LRRIQ1: variants seen among roughly 807,000 people sequenced by gnomAD.
The protein encoded by LRRIQ1 is leucine rich repeats and IQ motif containing 1, also known as leucine-rich repeat- and IQ domain-containing protein 1.
Under a neutral mutation model 211.9 loss-of-function variants are expected in LRRIQ1, and 210 were observed. The observed-to-expected ratio is 0.99, with a 90% CI of 0.89 to 1.11. The LOEUF (loss-of-function observed/expected upper bound fraction) is 1.11, where lower values mean the gene tolerates loss of function less well. LRRIQ1 is among the 50% of genes most tolerant of loss of function. The pLI, the probability that LRRIQ1 is intolerant of heterozygous loss-of-function variation, is 0.00. For synonymous variants in LRRIQ1, 699 were observed against 650.1 expected (o/e 1.08, Z -1.14); for missense variants, 2,136 against 1,939.5 (o/e 1.10, Z -1.90).
At chr12:85,119,730 T>A (rs1887836971) in intron 15 of LRRIQ1, among the ~76,000 whole-genome samples, 1 of 152,138 alleles carries the variant, frequency 6.6e-6, no homozygotes, top group Admixed American at 6.5e-5. Context: ...GGTATCACAT[T>A]GTCTCGTTGT....
chr12:85,230,848 A>G (rs1371084568), intron 25 of LRRIQ1, among the ~76,000 whole-genome samples: 6 of 151,782 alleles, frequency 4.0e-5, no homozygotes, highest in South Asian at 4.2e-4. Flanking sequence ...AGGAGATCGA[A>G]ACCATCCTGG....
chr12:85,130,212 G>A (rs935224338), intron 18 of LRRIQ1, among the ~76,000 whole-genome samples: 13 of 152,152 alleles, frequency 8.5e-5, no homozygotes, highest in Non-Finnish European at 2.9e-5. Context: ...TACTCCTCCT[G>A]AGAACAGTGC....
chr12:85,132,049 C>T (rs1053912442), intron 18 of LRRIQ1, among the ~76,000 whole-genome samples: 1 of 152,046 alleles, frequency 6.6e-6, no homozygotes, highest in Admixed American at 6.6e-5. Context: ...CCAGAAAACA[C>T]ACATGCTATG....
intron 11 of LRRIQ1, among the ~76,000 whole-genome samples, chr12:85,091,972 T>C (rs1486862772): frequency 2.0e-5 from 3 of 152,164 alleles, no homozygotes; most frequent in Non-Finnish European, 4.4e-5. Context: ...CTCACTGCTG[T>C]TTGCATTACT....
At chr12:85,167,681 G>T (rs753831247) in intron 24 of LRRIQ1, among the ~76,000 whole-genome samples, 3 of 152,116 alleles carry the variant, frequency 2.0e-5, no homozygotes, top group Non-Finnish European at 2.9e-5. Context: ...CCTGTTTACT[G>T]ACTCAAATGT....
At chr12:85,212,776 T>TTA (rs922940690) in intron 24 of LRRIQ1, among the ~76,000 whole-genome samples, 10 of 145,762 alleles carry the variant, frequency 6.9e-5, no homozygotes, top group South Asian at 2.1e-4. Flanking sequence ...AATATATATT[T>TTA]TATATATATA....
chr12:85,051,100 A>G (rs1445944813), intron 6 of LRRIQ1, among the ~76,000 whole-genome samples: 3 of 152,110 alleles, frequency 2.0e-5, no homozygotes, highest in African/African-American at 4.8e-5. Flanking sequence ...TGCTCTCCCC[A>G]TAGTAATGAC....
intron 26 of LRRIQ1, among the ~76,000 whole-genome samples, chr12:85,233,472 C>T (rs189385857): frequency 6.6e-6 from 1 of 152,144 alleles, no homozygotes; most frequent in African/African-American, 2.4e-5. Flanking sequence ...AGTTTACAAC[C>T]AATCATTACC....
chr12:85,088,600 T>C (rs1421661141), intron 11 of LRRIQ1, among the ~76,000 whole-genome samples: 3 of 152,232 alleles, frequency 2.0e-5, no homozygotes, highest in Non-Finnish European at 4.4e-5. Flanking sequence ...TTTCCATTTG[T>C]TTGTGTCCTC....
At chr12:85,259,703 T>G (rs1306386503) in intron 1 of LRRIQ1, among the ~76,000 whole-genome samples, 1 of 152,170 alleles carries the variant, frequency 6.6e-6, no homozygotes, top group East Asian at 1.9e-4. Flanking sequence ...TATAGCATTT[T>G]CATTCCACTT....
chr12:85,232,708 GC>G lies in LRRIQ1; in HGVS notation c.4970del (p.Pro1657LeufsTer3). 6.2e-7 allele frequency: 1 copy of G among 1,611,356 alleles called. No individual in the cohort carries two copies. The highest frequency in any genetic ancestry group is 8.5e-7 in the Non-Finnish European group (1 of 1,178,674). On this transcript the variant is annotated frameshift_variant, in exon 26 of 27. Transcript: ENST00000393217. LOFTEE classifies it high-confidence loss of function. ...SRNMKCNHFLPELDPDVLNGG... is the reference protein window; with the variant it reads ...SRNMKCNHFLXELDPDVLNGG... The stretch of plus-strand genomic sequence containing the variant: ...TGTCACTATGCAGCAATCACTTTTT[GC>G]CTGAGTTAGATCCAGATGTACTTAA...
At chr12:85,073,595 T>A (rs1883328334) in intron 11 of LRRIQ1, among the ~76,000 whole-genome samples, 1 of 152,086 alleles carries the variant, frequency 6.6e-6, no homozygotes, top group African/African-American at 2.4e-5. Context: ...TGGTAAGTAG[T>A]GGATTTCCTG....
rs1027973571 is a variant in LRRIQ1, at chr12:85,095,486, C to CT, written c.2888-2862dup. ...AGTGTACTTGATTGTGGTGAGTTAC[C>CT]TTTTTTTATGTGCTGCTAGATTTGG... On this transcript the variant is annotated intron_variant, in intron 11 of 26. Transcript: ENST00000393217. Among the ~76,000 whole-genome samples, 8 of 151,956 alleles carry CT rather than the reference C, an allele frequency of 5.3e-5. No homozygotes were observed. In the East Asian group the frequency reaches 1.2e-3, roughly 22 times the overall value.
chr12:85,185,921 A>G (rs1234592007), intron 24 of LRRIQ1, among the ~76,000 whole-genome samples: 4 of 152,042 alleles, frequency 2.6e-5, no homozygotes, highest in Non-Finnish European at 4.4e-5. Context: ...GCTATGATAT[A>G]TAAATGATAA....
chr12:85,095,716 G>A (rs754369556), intron 11 of LRRIQ1, among the ~76,000 whole-genome samples: 8 of 152,108 alleles, frequency 5.3e-5, no homozygotes, highest in Non-Finnish European at 1.0e-4. Context: ...TAGATCTGGT[G>A]CCAGCTCTTC....
At chr12:85,065,885 G>A (rs534449627) in intron 9 of LRRIQ1, among the ~76,000 whole-genome samples, 44 of 151,988 alleles carry the variant, frequency 2.9e-4, no homozygotes, top group African/African-American at 1.0e-3. Context: ...TCCGGAAGAT[G>A]GGAATCTCTC....
intron 15 of LRRIQ1, among the ~76,000 whole-genome samples, chr12:85,113,629 CT>C (rs1473793110): frequency 1.3e-5 from 2 of 152,034 alleles, no homozygotes; most frequent in Non-Finnish European, 2.9e-5. Flanking sequence ...TTCTGCCCCC[CT>C]CCGCCAAGTT....
rs758558992 is a variant in LRRIQ1 at position 85,152,324 on chromosome 12, C to T, written c.4374C>T (p.Phe1458=). 1 of 1,611,488 alleles carries T rather than the reference C, an allele frequency of 6.2e-7. No homozygotes were observed. Among genetic ancestry groups the T allele is most frequent in the African/African-American group, 1.3e-5 (1 of 74,822 alleles). ...GGCTAGCATTAGATTCCACCCGCTTCCCTTCACAAACACTGCTTCTTTCAA... is the reference window on the plus strand; with the variant it reads ...GGCTAGCATTAGATTCCACCCGCTTTCCTTCACAAACACTGCTTCTTTCAA... The part of the protein sequence containing the change: ...EEWLALDSTR[F]PSQTLLLSNQ... The change falls in exon 20 of 27, where the codon TTC becomes TTT. Residue 1458 remains phenylalanine (F), a synonymous_variant. Transcript: ENST00000393217.
At chr12:85,174,764 C>A (rs907224379) in intron 24 of LRRIQ1, among the ~76,000 whole-genome samples, 10 of 119,764 alleles carry the variant, frequency 8.3e-5, no homozygotes, top group African/African-American at 3.4e-4. Context: ...ATGTCAACAA[C>A]AAACAGATGG....
Sources: gnomAD v4.1 joint callset for allele counts (sites outside exome capture counted in the v4.1 genomes callset) on GRCh38, gnomAD v4.1.1 for gene constraint, MANE v1.5 for transcripts, NCBI Gene and HGNC (gene_info 2026-07-23, HGNC 2026-07-21) for gene names.